SLC35F3: variants seen among roughly 807,000 people sequenced by gnomAD.
SLC35F3 encodes solute carrier family 35 member F3.
Under a neutral mutation model 49.9 loss-of-function variants are expected in SLC35F3, and 25 were observed. The ratio of observed to expected loss-of-function variants is 0.50; its 90% confidence interval spans 0.37 to 0.70. SLC35F3 has a LOEUF of 0.70. Among genes scored for constraint, SLC35F3 ranks in the 30% least tolerant of loss-of-function variants. The pLI is 0.00. For synonymous variants in SLC35F3, 275 were observed against 265.4 expected, an observed-to-expected ratio of 1.04 and a Z score of -0.35; for missense variants, 525 against 639.8, an observed-to-expected ratio of 0.82 and a Z score of 1.94.
intron 2 of SLC35F3, among the ~76,000 whole-genome samples, chr1:233,985,628 A>G (rs896965319): frequency 6.6e-6 from 1 of 152,222 alleles, no homozygotes; most frequent in Non-Finnish European, 1.5e-5. Context: ...TACGTGATGT[A>G]AGTTAGTGAG....
At chr1:233,946,838 A>G (rs972146379) in intron 2 of SLC35F3, among the ~76,000 whole-genome samples, 3 of 152,234 alleles carry the variant, frequency 2.0e-5, no homozygotes, top group Admixed American at 2.0e-4. Flanking sequence ...CCTGTGTTCT[A>G]GTCATTTCTG....
At chr1:234,126,742 G>C (rs774255058) in intron 2 of SLC35F3, among the ~76,000 whole-genome samples, 2 of 152,104 alleles carry the variant, frequency 1.3e-5, no homozygotes, top group Non-Finnish European at 2.9e-5. Flanking sequence ...CCAGGCTGGA[G>C]TGGAGTACAG....
intron 2 of SLC35F3, among the ~76,000 whole-genome samples, chr1:234,150,436 G>A (rs1666059565): frequency 1.3e-5 from 2 of 152,060 alleles, no homozygotes; most frequent in Admixed American, 1.3e-4. Flanking sequence ...TTTTTGTCAG[G>A]TCTGTGTGTC....
intron 2 of SLC35F3, among the ~76,000 whole-genome samples, chr1:233,918,804 CTCTCTCTCTCTCTATA>C (rs1245501112): frequency 2.3e-5 from 1 of 44,242 alleles, no homozygotes; most frequent in South Asian, 1.6e-3. Context: ...CTCTTTCTCT[CTCTCTCTCTCTCTATA>C]TATATATATA....
At chr1:234,080,130 G>C (rs919220789) in intron 2 of SLC35F3, among the ~76,000 whole-genome samples, 2 of 152,112 alleles carry the variant, frequency 1.3e-5, no homozygotes, top group Non-Finnish European at 2.9e-5. Flanking sequence ...GAGGCTGAGC[G>C]TTCACTTAAT....
intron 2 of SLC35F3, among the ~76,000 whole-genome samples, chr1:234,136,231 TC>T (rs1225292112): frequency 6.6e-6 from 1 of 151,750 alleles, no homozygotes; most frequent in Non-Finnish European, 1.5e-5. Context: ...TTCTCCTTCC[TC>T]CCTTCCTCTC....
rs140884492 is a variant in SLC35F3, at chr1:234,312,857, TTTTGTTTG to T, written c.828+3557_828+3564del. Among the ~76,000 whole-genome samples, 1,153 of 150,834 alleles carry T rather than the reference TTTTGTTTG, an allele frequency of 7.6e-3. 11 individuals carry two copies. The highest frequency in any genetic ancestry group is 8.7e-3 in the Non-Finnish European group (587 of 67,816). On this transcript the variant is annotated intron_variant, in intron 4 of 7. Transcript: ENST00000366618. ...TTTGTTGTTTGTTTTTTTTAGGTTT[TTTTGTTTG>T]TTTGTTTGTTTGTTTGTTTTTGTTT... is the stretch of plus-strand genomic sequence containing the variant.
intron 3 of SLC35F3, among the ~76,000 whole-genome samples, chr1:234,276,690 T>G (rs1668217442): frequency 6.6e-6 from 1 of 152,198 alleles, no homozygotes; most frequent in Admixed American, 6.5e-5. Flanking sequence ...GCGACAACTC[T>G]CATTCAAGCA....
At chr1:233,914,723 C>T (rs1661940339) in intron 2 of SLC35F3, among the ~76,000 whole-genome samples, 1 of 152,138 alleles carries the variant, frequency 6.6e-6, no homozygotes, top group Non-Finnish European at 1.5e-5. Context: ...GGATGAAGTA[C>T]TTACTTGTCC....
At chr1:234,050,873 A>T (rs1442207117) in intron 2 of SLC35F3, among the ~76,000 whole-genome samples, 2 of 152,204 alleles carry the variant, frequency 1.3e-5, no homozygotes, top group Non-Finnish European at 2.9e-5. Flanking sequence ...CAGTTTTCCC[A>T]GCACCATTTA....
chr1:234,231,758 T>G lies in SLC35F3; in HGVS notation c.608+17T>G, dbSNP rs1385499241. The G allele has an allele frequency of 1.9e-6, 3 of 1,578,922 alleles. No homozygotes were observed. The highest frequency in any genetic ancestry group is 2.6e-6 in the Non-Finnish European group (3 of 1,158,938). On this transcript the variant is annotated intron_variant, in intron 3 of 7. Coordinates refer to ENST00000366618, the MANE Select transcript of SLC35F3 (RefSeq NM_173508.4). The surrounding 1 kb of genome is among the most constrained non-coding windows in gnomAD (Gnocchi z 5.4). The stretch of plus-strand genomic sequence containing the variant: ...GCGATACAGGTAGGCGCGTCCTGCA[T>G]GAGGAGGCCTCCTGACCCCGGGCTG...
At chr1:233,973,478 T>A (rs542546613) in intron 2 of SLC35F3, among the ~76,000 whole-genome samples, 1 of 152,312 alleles carries the variant, frequency 6.6e-6, no homozygotes, top group South Asian at 2.1e-4. Context: ...CAGATGAGCT[T>A]TCAGAAATAC....
At chr1:234,225,781 A>C (rs138335302) in intron 2 of SLC35F3, among the ~76,000 whole-genome samples, 15 of 152,390 alleles carry the variant, frequency 9.8e-5, no homozygotes, top group African/African-American at 3.6e-4. Flanking sequence ...AGCAATCTGC[A>C]TGTCCATCGA....
chr1:234,066,850 AC>A (rs1664628870), intron 2 of SLC35F3, among the ~76,000 whole-genome samples: 2 of 149,792 alleles, frequency 1.3e-5, no homozygotes, highest in Non-Finnish European at 1.5e-5. Context: ...ACACACACAC[AC>A]ACACACACAC....
intron 3 of SLC35F3, among the ~76,000 whole-genome samples, chr1:234,263,775 C>T (rs187487207): frequency 1.3e-3 from 193 of 152,292 alleles, no homozygotes; most frequent in African/African-American, 4.4e-3. Context: ...CACTTGTGCT[C>T]AAGGCTGGCT....
At chr1:234,083,605 C>A (rs903138844) in intron 2 of SLC35F3, among the ~76,000 whole-genome samples, 1 of 152,166 alleles carries the variant, frequency 6.6e-6, no homozygotes, top group Non-Finnish European at 1.5e-5. Flanking sequence ...GCTTATGAAG[C>A]GGGGCTGCTG....
chr1:233,978,765 C>G (rs1460385089), intron 2 of SLC35F3, among the ~76,000 whole-genome samples: 1 of 133,484 alleles, frequency 7.5e-6, no homozygotes, highest in African/African-American at 2.4e-5. Context: ...TGCGGTGGCT[C>G]ACGCCTGTAA....
At chr1:234,006,463 C>G (rs2102835180) in intron 2 of SLC35F3, among the ~76,000 whole-genome samples, 1 of 150,482 alleles carries the variant, frequency 6.6e-6, no homozygotes, top group Admixed American at 6.6e-5. Flanking sequence ...GTGCAGACCC[C>G]TTTTAACGGG....
chr1:233,981,841 A>G (rs2102822372), intron 2 of SLC35F3, among the ~76,000 whole-genome samples: 1 of 152,226 alleles, frequency 6.6e-6, no homozygotes, highest in South Asian at 2.1e-4. Flanking sequence ...TGTCATTGCT[A>G]TTGTTTATTT....
Sources: allele counts gnomAD v4.1 joint callset (sites outside exome capture counted in the v4.1 genomes callset), GRCh38; gene constraint gnomAD v4.1.1; non-coding constraint Gnocchi (gnomAD v3.1); transcripts MANE v1.5; gene names NCBI Gene and HGNC (gene_info 2026-07-23, HGNC 2026-07-21).